The following INPP5A variants were observed in gnomAD, a reference collection of about 807,000 sequenced individuals.
INPP5A encodes 43 kDa inositol polyphosphate 5-phophatase.
A neutral mutation model predicts 65.2 loss-of-function variants in INPP5A; 14 were observed. The observed-to-expected ratio is 0.21, with a 90% CI of 0.14 to 0.34. The LOEUF (loss-of-function observed/expected upper bound fraction) is 0.34. INPP5A is among the 10% of genes least tolerant of loss of function. The pLI is 1.00. For missense variants in INPP5A, 431 were observed against 545.6 expected (o/e 0.79, Z 2.09); for synonymous variants, 207 against 208.3 (o/e 0.99, Z 0.05).
At chr10:132,573,327 G>T (rs1294775583) in intron 1 of INPP5A, among the ~76,000 whole-genome samples, 5 of 145,176 alleles carry the variant, frequency 3.4e-5, no homozygotes, top group Non-Finnish European at 4.5e-5. Flanking sequence ...AGATGTTGGG[G>T]TGTGTGTGCT....
At chr10:132,569,528 G>A (rs12773255) in intron 1 of INPP5A, among the ~76,000 whole-genome samples, 368 of 152,168 alleles carry the variant, frequency 2.4e-3, no homozygotes, top group Non-Finnish European at 3.5e-3. Flanking sequence ...GCCTAATTTT[G>A]TTTATTTTTT....
intron 1 of INPP5A, among the ~76,000 whole-genome samples, chr10:132,585,732 A>C (rs1387688651): frequency 6.6e-6 from 1 of 152,138 alleles, no homozygotes; most frequent in Non-Finnish European, 1.5e-5. Context: ...CTTTTCTTGC[A>C]CTTCATTCTT....
intron 1 of INPP5A, among the ~76,000 whole-genome samples, chr10:132,574,860 G>T (rs971257099): frequency 1.3e-5 from 2 of 151,942 alleles, no homozygotes; most frequent in African/African-American, 2.4e-5. Context: ...CTGGAATGTG[G>T]TTTCTGTGAG....
intron 5 of INPP5A, among the ~76,000 whole-genome samples, chr10:132,691,830 T>C (rs113310111): frequency 1.1e-3 from 155 of 145,256 alleles, no homozygotes; most frequent in African/African-American, 1.3e-3. Flanking sequence ...GGGAGACGTG[T>C]GGTCGCGGGA....
intron 4 of INPP5A, 25 bp from the exon 5 acceptor site, chr10:132,690,367 T>G: frequency 6.7e-7 from 1 of 1,489,286 alleles, no homozygotes; most frequent in Non-Finnish European, 9.4e-7. Flanking sequence ...CAGTCTCTCA[T>G]TTGATTTCTC....
chr10:132,777,482 A>T (rs1847083736), intron 12 of INPP5A, among the ~76,000 whole-genome samples, 189 bp from the exon 13 acceptor site: 1 of 152,270 alleles, frequency 6.6e-6, no homozygotes. Context: ...TCTCACATAA[A>T]AACAGTTTGA....
chr10:132,633,635 A>G (rs2072302213), intron 2 of INPP5A, among the ~76,000 whole-genome samples: 1 of 152,190 alleles, frequency 6.6e-6, no homozygotes, highest in African/African-American at 2.4e-5. Flanking sequence ...TGGCCTTGCC[A>G]TTATGAGACC....
rs544267166 is a variant in INPP5A, at chr10:132,634,314, G to A, written c.118-11554G>A. On this transcript the variant is annotated intron_variant, in intron 2 of 15. Transcript: ENST00000368594. ...CATCTCCCTTGGTGGGTGTGCCCCG[G>A]AGAGGCGTATCATCTCCCTTGGTGG... 8.0e-5 allele frequency among the ~76,000 whole-genome samples: 12 copies of A among 150,496 alleles called. No homozygotes were observed. In the South Asian group the frequency reaches 2.5e-3, roughly 31 times the overall value.
chr10:132,732,883 CAG>C (rs1309613500), intron 9 of INPP5A, among the ~76,000 whole-genome samples: 3 of 152,302 alleles, frequency 2.0e-5, no homozygotes, highest in Non-Finnish European at 2.9e-5. Flanking sequence ...CCCTCCCGCG[CAG>C]AGTCTCCTGT....
At chr10:132,765,493 C>T (rs557319710) in intron 11 of INPP5A, among the ~76,000 whole-genome samples, 22 of 152,330 alleles carry the variant, frequency 1.4e-4, no homozygotes, top group Middle Eastern at 3.4e-3. Context: ...CACGGCAGTG[C>T]CCGAGGCCAT....
In INPP5A at chr10:132,737,854, C is replaced by A. The variant is rs117073484; in HGVS notation, c.732+10949C>A. On this transcript the variant is annotated intron_variant, in intron 9 of 15. Transcript: ENST00000368594. ...TGTTTCTATATAGGGCCTATGACAT[C>A]AACTGAAAATAAAATAAAATGTTAT... is the stretch of plus-strand genomic sequence containing the variant. Among the ~76,000 whole-genome samples the A allele has an allele frequency of 7.1e-3, 1,074 of 152,276 alleles. 7 individuals carry two copies. The highest frequency in any genetic ancestry group is 0.027 in the Middle Eastern group (8 of 294).
At chr10:132,540,980 C>G (rs969435348) in intron 1 of INPP5A, among the ~76,000 whole-genome samples, 1 of 152,004 alleles carries the variant, frequency 6.6e-6, no homozygotes, top group African/African-American at 2.4e-5. Context: ...CTCTTAAGGC[C>G]CCTCCTCCTC....
intron 9 of INPP5A, among the ~76,000 whole-genome samples, chr10:132,730,312 G>A (rs1846061315): frequency 6.6e-6 from 1 of 152,228 alleles, no homozygotes; most frequent in African/African-American, 2.4e-5. Flanking sequence ...CCATCACGCT[G>A]GTGTCCTGCT....
intron 1 of INPP5A, among the ~76,000 whole-genome samples, chr10:132,602,833 A>G (rs753228898): frequency 3.9e-5 from 6 of 152,138 alleles, no homozygotes; most frequent in Non-Finnish European, 8.8e-5. Context: ...TATTGAGTGC[A>G]TTCACTGTGG....
intron 1 of INPP5A, among the ~76,000 whole-genome samples, chr10:132,561,966 C>G (rs1285154664): frequency 6.6e-6 from 1 of 152,228 alleles, no homozygotes; most frequent in Non-Finnish European, 1.5e-5. Flanking sequence ...TTAAAGCCTC[C>G]CTTGTGGGTT....
At position 132,726,766 on chromosome 10, in the gene INPP5A, A is replaced by G. The variant is rs1845992619; in HGVS notation, c.648-55A>G. 17 of 1,294,006 alleles carry G rather than the reference A, an allele frequency of 1.3e-5. No individual in the cohort carries two copies. The South Asian group carries it at 1.8e-4, about 13-fold the overall frequency. The allele number at this position is 1,294,006 out of a possible 1,614,324, so 80.2% of individuals were successfully genotyped here. ...GCGTGGAGGAGCACCGGGGCCGGGCATGAGGGCTGGCCGGCTTCAGCGCCC... is the reference window on the plus strand; with the variant it reads ...GCGTGGAGGAGCACCGGGGCCGGGCGTGAGGGCTGGCCGGCTTCAGCGCCC... On this transcript the variant is annotated intron_variant, in intron 8 of 15. Coordinates refer to ENST00000368594, the MANE Select transcript of INPP5A (RefSeq NM_005539.5).
chr10:132,613,040 A>G (rs1406341634), intron 2 of INPP5A, among the ~76,000 whole-genome samples: 1 of 152,190 alleles, frequency 6.6e-6, no homozygotes, highest in African/African-American at 2.4e-5. Context: ...CCCCAACTTG[A>G]CAGACCTCAG....
intron 2 of INPP5A, among the ~76,000 whole-genome samples, chr10:132,609,442 G>A (rs1272262494): frequency 6.6e-6 from 1 of 152,112 alleles, no homozygotes; most frequent in East Asian, 1.9e-4. Context: ...TGCCTGTCGG[G>A]GAGACCCACA....
intron 1 of INPP5A, among the ~76,000 whole-genome samples, chr10:132,591,850 G>A (rs527920925): frequency 6.6e-6 from 1 of 152,314 alleles, no homozygotes; most frequent in South Asian, 2.1e-4. Context: ...CGATATGTCA[G>A]GTGAAATGGC....
Sources: gnomAD v4.1 joint callset for allele counts (sites outside exome capture counted in the v4.1 genomes callset) on GRCh38, gnomAD v4.1.1 for gene constraint, MANE v1.5 for transcripts, NCBI Gene and HGNC (gene_info 2026-07-23, HGNC 2026-07-21) for gene names.